Variants in NUP188 observed in about 807,000 individuals in gnomAD.
NUP188 encodes the protein nucleoporin 188, also known as nucleoporin NUP188.
In NUP188, 97 loss-of-function variants were observed where a neutral mutation model predicts 223.0. The ratio of observed to expected loss-of-function variants is 0.43; its 90% confidence interval spans 0.37 to 0.51. The LOEUF (loss-of-function observed/expected upper bound fraction) is 0.51. Ranked by LOEUF, NUP188 falls within the 20% of genes least tolerant of loss-of-function variation. The pLI, the probability that NUP188 is intolerant of heterozygous loss-of-function variation, is 0.00. For synonymous variants in NUP188, 869 were observed against 828.0 expected, an observed-to-expected ratio of 1.05 and a Z score of -0.85; for missense variants, 1,947 against 2,175.6, an observed-to-expected ratio of 0.89 and a Z score of 2.09.
intron 25 of NUP188, among the ~76,000 whole-genome samples, chr9:128,992,506 T>A (rs893930188): frequency 3.3e-5 from 5 of 152,258 alleles, no homozygotes; most frequent in African/African-American, 1.2e-4. Context: ...CTGGTACTGT[T>A]TTATGACTGG....
At chr9:129,003,694 C>T (rs1842720057) in intron 38 of NUP188, 1 of 598,248 alleles carries the variant, frequency 1.7e-6, no homozygotes, top group East Asian at 3.4e-5. Context: ...GGTTCAGATC[C>T]CTTAAGAATA....
At chr9:128,990,430 A>T (rs543587915) in intron 25 of NUP188, among the ~76,000 whole-genome samples, 1 of 152,296 alleles carries the variant, frequency 6.6e-6, no homozygotes, top group South Asian at 2.1e-4. Context: ...TCTCTAATAT[A>T]GAAAAAAGGA....
chr9:128,982,340 G>A (rs545135742), intron 15 of NUP188, among the ~76,000 whole-genome samples: 1 of 151,332 alleles, frequency 6.6e-6, no homozygotes, highest in East Asian at 1.9e-4. Context: ...TGAAGCACGA[G>A]AATCACTTGA....
At chr9:128,968,443 C>A (rs1842061407) in intron 8 of NUP188, 63 bp from the exon 9 acceptor site, 1 of 1,305,932 alleles carries the variant, frequency 7.7e-7, no homozygotes, top group Non-Finnish European at 1.1e-6. Flanking sequence ...AAAAAATGTT[C>A]TTTAAGTACT....
chr9:128,996,661 G>T (rs991822973), intron 30 of NUP188, among the ~76,000 whole-genome samples: 1 of 152,108 alleles, frequency 6.6e-6, no homozygotes. Context: ...AGGCTCACCT[G>T]TCTTTGAGAA....
At chr9:128,989,640 T>A (rs1219937108) in intron 24 of NUP188, among the ~76,000 whole-genome samples, 2 of 152,056 alleles carry the variant, frequency 1.3e-5, no homozygotes, top group Non-Finnish European at 2.9e-5. Flanking sequence ...AAGACCAGCC[T>A]GGCCAACATG....
intron 24 of NUP188, among the ~76,000 whole-genome samples, chr9:128,988,586 AT>A (rs942836702): frequency 2.0e-5 from 3 of 150,838 alleles, no homozygotes; most frequent in Admixed American, 6.6e-5. Flanking sequence ...TGGGTTTCAG[AT>A]TTTTTTTTCA....
In NUP188 at chr9:128,956,911, G is replaced by A. The variant is rs371567747; in HGVS notation, c.247-41G>A. On this transcript the variant is annotated intron_variant, in intron 4 of 43. Transcript: ENST00000372577. ...TTTAAATTCTCTGCATCCTGTGTGCGATTTCTGAGCTGTTCCTTACTTAAA... is the reference window on the plus strand; with the variant it reads ...TTTAAATTCTCTGCATCCTGTGTGCAATTTCTGAGCTGTTCCTTACTTAAA... 5.1e-5 allele frequency: 71 copies of A among 1,398,714 alleles called. No individual in the cohort carries two copies. The African/African-American group carries it at 7.6e-4, about 15-fold the overall frequency. 86.6% of individuals were successfully genotyped at this position (1,398,714 alleles called of 1,614,324 possible).
chr9:129,003,314 C>T lies in NUP188; in HGVS notation c.4297-3C>T, dbSNP rs1842709101. On this transcript the variant is annotated splice_polypyrimidine_tract_variant and splice_region_variant and intron_variant, in intron 37 of 43. Coordinates refer to ENST00000372577, the MANE Select transcript of NUP188 (RefSeq NM_015354.3). ...CTTTCCCTGATGTGTGCTTTCCTCCCAGTGCCTCAACGCAGTGAGGACAGT... is the reference window on the plus strand; with the variant it reads ...CTTTCCCTGATGTGTGCTTTCCTCCTAGTGCCTCAACGCAGTGAGGACAGT... 6.2e-7 allele frequency: 1 copy of T among 1,600,572 alleles called. No individual in the cohort carries two copies. Among genetic ancestry groups the T allele is most frequent in the African/African-American group, 1.3e-5 (1 of 74,162 alleles).
chr9:128,990,353 G>C (rs1842398924), intron 25 of NUP188, 127 bp downstream of exon 25: 1 of 761,554 alleles, frequency 1.3e-6, no homozygotes, highest in African/African-American at 1.7e-5. Context: ...ACTTTGGGAG[G>C]CCAAGGTGGG....
At chr9:128,988,564 C>T (rs1288908262) in intron 24 of NUP188, among the ~76,000 whole-genome samples, 1 of 151,876 alleles carries the variant, frequency 6.6e-6, no homozygotes. Context: ...ATGCTTGGGA[C>T]CAGAAGTGTT....
chr9:128,980,822 C>A, intron 14 of NUP188, 97 bp downstream of exon 14: 1 of 1,284,768 alleles, frequency 7.8e-7, no homozygotes, highest in Non-Finnish European at 1.1e-6. Context: ...GTTCTACTGC[C>A]ATGACAAAAG....
rs769183790 is a variant in NUP188, at chr9:128,969,438, T to G, written c.836T>G (p.Ile279Ser). Residue 279 changes from isoleucine (I) to serine (S), a missense_variant, in exon 10 of 44, where the codon ATC becomes AGC. By Grantham distance (142) the Ile-to-Ser change is moderately radical. This residue lies in a region of NUP188 where 817 missense variants were observed against 865.8 expected (regional missense o/e 0.94). Coordinates refer to ENST00000372577, the MANE Select transcript of NUP188 (RefSeq NM_015354.3). ...SALILVEGMD[I>S]ESLHKCALDD... ...CTCATCCTGGTGGAGGGCATGGATATCGAGTCCTTGCATAAGTGTGCTTTG... is the reference window on the plus strand; with the variant it reads ...CTCATCCTGGTGGAGGGCATGGATAGCGAGTCCTTGCATAAGTGTGCTTTG... 1 of 1,611,208 alleles carries G rather than the reference T, an allele frequency of 6.2e-7. No homozygotes were observed. Among genetic ancestry groups the G allele is most frequent in the African/African-American group, 1.3e-5 (1 of 74,826 alleles).
intron 8 of NUP188, among the ~76,000 whole-genome samples, chr9:128,960,168 A>G (rs1195858366): frequency 6.9e-6 from 1 of 144,738 alleles, no homozygotes; most frequent in African/African-American, 2.6e-5. Context: ...GGTTCACGCC[A>G]TTCTCCTGCC....
At chr9:128,963,282 ATTT>A (rs1177267491) in intron 8 of NUP188, among the ~76,000 whole-genome samples, 33 of 138,760 alleles carry the variant, frequency 2.4e-4, no homozygotes, top group African/African-American at 7.5e-4. Flanking sequence ...GTAAATGTAA[ATTT>A]TTTTTTTTTT....
intron 8 of NUP188, among the ~76,000 whole-genome samples, chr9:128,959,348 G>T (rs980205382): frequency 2.0e-5 from 3 of 151,744 alleles, no homozygotes; most frequent in Non-Finnish European, 4.4e-5. Context: ...CACCATGTTG[G>T]CCAGGCTGGT....
In NUP188 at chr9:128,993,238, G is replaced by A. The variant is rs750757763; in HGVS notation, c.2682G>A (p.Ala894=). 1.5e-5 allele frequency: 24 copies of A among 1,614,040 alleles called. No individual in the cohort carries two copies. The East Asian group carries it at 3.8e-4, about 25-fold the overall frequency. The change falls in exon 26 of 44, where the codon GCG becomes GCA. Residue 894 remains alanine, a synonymous_variant. Coordinates refer to ENST00000372577, the MANE Select transcript of NUP188 (RefSeq NM_015354.3). ...TGTATGCTTGTCTGGGCAATGATGC[G>A]GCTGCCATTCGTGATGCCTTCCTGA... is the stretch of plus-strand genomic sequence containing the variant. ...MSVYACLGND[A]AAIRDAFLTR... is the part of the protein sequence containing the mutation.
At chr9:128,954,295 A>C (rs1841837936) in intron 3 of NUP188, among the ~76,000 whole-genome samples, 1 of 150,066 alleles carries the variant, frequency 6.7e-6, no homozygotes, top group South Asian at 2.1e-4. Flanking sequence ...GCTCACTGCA[A>C]GCTCTGCCTC....
chr9:129,003,509 G>C, intron 38 of NUP188, 55 bp downstream of exon 38: 1 of 1,588,966 alleles, frequency 6.3e-7, no homozygotes, highest in Non-Finnish European at 8.6e-7. Context: ...AGACAGGGAG[G>C]CTGTGAGGTC....
Sources: gnomAD v4.1 joint callset for allele counts (sites outside exome capture counted in the v4.1 genomes callset) on GRCh38, gnomAD v4.1.1 for gene constraint, gnomAD v4.1.1 regional missense constraint, MANE v1.5 for transcripts, NCBI Gene and HGNC (gene_info 2026-07-23, HGNC 2026-07-21) for gene names.